HNRNPR: variants seen among roughly 807,000 people sequenced by gnomAD.
HNRNPR encodes the protein heterogeneous nuclear ribonucleoprotein R.
Under a neutral mutation model 70.3 loss-of-function variants are expected in HNRNPR, and 4 were observed. That is an observed-to-expected ratio of 0.06 (90% CI 0.03 to 0.13). The LOEUF (loss-of-function observed/expected upper bound fraction) is 0.13, where lower values mean the gene tolerates loss of function less well. Ranked by LOEUF, HNRNPR falls within the 10% of genes least tolerant of loss-of-function variation. The probability of loss-of-function intolerance (pLI) is 1.00; values close to 1 mark genes in which losing one functional copy is unlikely to be tolerated. For missense variants in HNRNPR, 423 were observed against 788.5 expected, an observed-to-expected ratio of 0.54 and a Z score of 5.55; for synonymous variants, 241 against 267.6, an observed-to-expected ratio of 0.90 and a Z score of 0.97.
chr1:23,332,434 G>A (rs1646275022), intron 5 of HNRNPR, among the ~76,000 whole-genome samples: 1 of 151,146 alleles, frequency 6.6e-6, no homozygotes, highest in African/African-American at 2.4e-5. Flanking sequence ...CAGGCGCGGT[G>A]GCTCACGCCT....
intron 9 of HNRNPR, among the ~76,000 whole-genome samples, chr1:23,312,139 T>C (rs1463274255): frequency 6.6e-6 from 1 of 152,190 alleles, no homozygotes; most frequent in Non-Finnish European, 1.5e-5. Flanking sequence ...AAAAAAATGT[T>C]CTATTGGAGC....
rs534242477 is a variant in HNRNPR at position 23,324,632 on chromosome 1, C to T, written c.499-900G>A. On this transcript the variant is annotated intron_variant, in intron 5 of 10. Coordinates refer to ENST00000302271, the MANE Select transcript of HNRNPR (RefSeq NM_005826.5). ...TTTTCAGAAACTCCAGTGCTTCAAT[C>T]TATTCCTCTCTCTATCCAGATATTA... 3.3e-5 allele frequency among the ~76,000 whole-genome samples: 5 copies of T among 152,100 alleles called. 1 individual carries two copies. The highest frequency in any genetic ancestry group is 2.0e-4 in the Admixed American group (3 of 15,266).
chr1:23,338,256 CTTTAAT>C (rs953405989), intron 3 of HNRNPR: 8 of 343,846 alleles, frequency 2.3e-5, no homozygotes, highest in African/African-American at 1.1e-4. Flanking sequence ...CAAAACTTGG[CTTTAAT>C]TTTAAGTTTT....
intron 5 of HNRNPR, among the ~76,000 whole-genome samples, chr1:23,326,858 GA>G (rs1646004012): frequency 6.6e-6 from 1 of 152,162 alleles, no homozygotes; most frequent in South Asian, 2.1e-4. Flanking sequence ...TAACACTGGT[GA>G]TGCAACTACC....
In HNRNPR at chr1:23,307,111, T is replaced by A. The variant is rs1645214071; in HGVS notation, c.*3343A>T. 1 of 152,214 alleles carries A rather than the reference T, an allele frequency of 6.6e-6. No homozygotes were observed. The highest frequency in any genetic ancestry group is 1.5e-5 in the Non-Finnish European group (1 of 68,018). 9.4% of individuals were successfully genotyped at this position (152,214 alleles called of 1,614,324 possible). A position where few individuals can be genotyped will look rare whatever the true frequency, so the allele number is the denominator to read the frequency against. ...TTGGTAGCTCAGTATAATAAAATTATCTTTGAAAAATCAAAATGACAAGTT... is the reference window on the plus strand; with the variant it reads ...TTGGTAGCTCAGTATAATAAAATTAACTTTGAAAAATCAAAATGACAAGTT... On this transcript the variant is annotated 3_prime_UTR_variant, in exon 11 of 11. Coordinates refer to ENST00000302271, the MANE Select transcript of HNRNPR (RefSeq NM_005826.5).
At chr1:23,317,353 G>A (rs897825706) in intron 8 of HNRNPR, among the ~76,000 whole-genome samples, 1 of 152,096 alleles carries the variant, frequency 6.6e-6, no homozygotes, top group Non-Finnish European at 1.5e-5. Flanking sequence ...AGCTACTTGG[G>A]AGGCTGAGGC....
rs1334004023 is a variant in HNRNPR, at chr1:23,310,512, C to T, written c.1844G>A (p.Gly615Asp). 6.2e-7 allele frequency: 1 copy of T among 1,613,530 alleles called. No homozygotes were observed. The highest frequency in any genetic ancestry group is 8.5e-7 in the Non-Finnish European group (1 of 1,179,778). Residue 615 changes from glycine to aspartate, a missense_variant, in exon 11 of 11, where the codon GGT (glycine) becomes GAT (aspartate). Gly to Asp is a moderately conservative substitution (Grantham distance 94). Around this residue, in one of 7 missense-constraint regions of HNRNPR, gnomAD observed 39 missense variants for 53.2 expected, o/e 0.73. Coordinates refer to ENST00000302271, the MANE Select transcript of HNRNPR (RefSeq NM_005826.5). This position sits in a 1 kb window ranked among gnomAD's most constrained non-coding sequence, Gnocchi z 6.0. ...QQGGDYSGNYGYNNDNQEFYQ... is the reference protein window; with the variant it reads ...QQGGDYSGNYDYNNDNQEFYQ... ...AAATTCCTGGTTGTCATTATTGTAA[C>T]CATAGTTACCAGAATAGTCACCACC...
chr1:23,313,474 G>T, intron 9 of HNRNPR, 79 bp downstream of exon 9: 1 of 951,218 alleles, frequency 1.1e-6, no homozygotes, highest in Non-Finnish European at 1.6e-6. Flanking sequence ...TATTGTTTCA[G>T]TTTTTAAAGT....
At chr1:23,334,700 C>G (rs879129262) in intron 4 of HNRNPR, among the ~76,000 whole-genome samples, 7 of 152,076 alleles carry the variant, frequency 4.6e-5, no homozygotes, top group Non-Finnish European at 8.8e-5. Context: ...AGTCAGGTTC[C>G]GAAAAATAAG....
intron 2 of HNRNPR, among the ~76,000 whole-genome samples, chr1:23,338,821 T>TG (rs1409993340): frequency 5.3e-5 from 8 of 152,088 alleles, no homozygotes; most frequent in African/African-American, 1.9e-4. Context: ...ACCAAAAACA[T>TG]GAATTTCAAT....
In HNRNPR at chr1:23,331,175, T is replaced by A. The variant is rs1646205402; in HGVS notation, c.498+2343A>T. 2.0e-5 allele frequency among the ~76,000 whole-genome samples: 3 copies of A among 152,182 alleles called. No homozygotes were observed. The South Asian group carries it at 6.2e-4, about 32-fold the overall frequency. On this transcript the variant is annotated intron_variant, in intron 5 of 10. Transcript: ENST00000302271. ...CAACAACATTTAACATACAGAAGAATGCATCTTTCTCCTAAAGGAACAATG... is the reference window on the plus strand; with the variant it reads ...CAACAACATTTAACATACAGAAGAAAGCATCTTTCTCCTAAAGGAACAATG...
chr1:23,312,517 T>TAAG (rs1341175866), intron 9 of HNRNPR, among the ~76,000 whole-genome samples: 2 of 152,208 alleles, frequency 1.3e-5, no homozygotes, highest in Non-Finnish European at 2.9e-5. Context: ...AATGAACGGA[T>TAAG]AAGAGTATAA....
intron 5 of HNRNPR, among the ~76,000 whole-genome samples, chr1:23,329,777 G>A (rs1007509450): frequency 1.3e-5 from 2 of 152,086 alleles, no homozygotes; most frequent in Admixed American, 6.5e-5. Context: ...ATAGCTGTGC[G>A]CATGCCACCA....
At chr1:23,333,334 T>C (rs1646322835) in intron 5 of HNRNPR, among the ~76,000 whole-genome samples, 184 bp downstream of exon 5, 1 of 152,234 alleles carries the variant, frequency 6.6e-6, no homozygotes, top group Admixed American at 6.5e-5. Context: ...TGTTCGGGTA[T>C]CTACCAGTCA....
At chr1:23,339,105 A>G (rs370024003) in intron 2 of HNRNPR, among the ~76,000 whole-genome samples, 2 of 152,240 alleles carry the variant, frequency 1.3e-5, no homozygotes, top group East Asian at 1.9e-4. Context: ...CCACTCTCCA[A>G]AAAGTGTCAA....
chr1:23,327,146 A>C (rs1646020588), intron 5 of HNRNPR, among the ~76,000 whole-genome samples: 1 of 151,934 alleles, frequency 6.6e-6, no homozygotes, highest in Admixed American at 6.6e-5. Flanking sequence ...TCCCATTACC[A>C]CCCATATCCA....
At chr1:23,342,352 G>GAA (rs1426715993) in intron 1 of HNRNPR, among the ~76,000 whole-genome samples, 1 of 152,156 alleles carries the variant, frequency 6.6e-6, no homozygotes, top group Non-Finnish European at 1.5e-5. Flanking sequence ...GTAGGAAGAA[G>GAA]AAGAAAATGC....
chr1:23,312,969 T>C (rs1053676937), intron 9 of HNRNPR, among the ~76,000 whole-genome samples: 10 of 152,182 alleles, frequency 6.6e-5, no homozygotes, highest in Non-Finnish European at 1.3e-4. Context: ...GTGTTCCAGA[T>C]ACCATATGAA....
intron 5 of HNRNPR, 55 bp downstream of exon 5, chr1:23,333,463 G>A (rs559581441): frequency 9.1e-7 from 1 of 1,098,960 alleles, no homozygotes; most frequent in South Asian, 1.3e-5. Context: ...CTGCATAGTA[G>A]ATAAAACACT....
Sources: gnomAD v4.1 joint callset for allele counts (sites outside exome capture counted in the v4.1 genomes callset) on GRCh38, gnomAD v4.1.1 for gene constraint, gnomAD v4.1.1 regional missense constraint, Gnocchi (gnomAD v3.1) non-coding constraint, MANE v1.5 for transcripts, NCBI Gene and HGNC (gene_info 2026-07-23, HGNC 2026-07-21) for gene names.